HK2: variants seen among roughly 807,000 people sequenced by gnomAD.
HK2 encodes the protein hexokinase-2.
HK2 carries 42 observed loss-of-function variants against 92.9 expected under a neutral mutation model. The observed-to-expected ratio is 0.45, with a 90% confidence interval of 0.35 to 0.58. The LOEUF is 0.58. Among genes scored for constraint, HK2 ranks in the 20% least tolerant of loss-of-function variants. The probability of loss-of-function intolerance (pLI) is 0.00; values close to 1 mark genes in which losing one functional copy is unlikely to be tolerated. For synonymous variants in HK2, 422 were observed against 468.0 expected (o/e 0.90, Z 1.27); for missense variants, 978 against 1,245.1 (o/e 0.79, Z 3.23).
chr2:74,837,431 A>G (rs1688194015), intron 1 of HK2, among the ~76,000 whole-genome samples: 1 of 152,186 alleles, frequency 6.6e-6, no homozygotes, highest in Admixed American at 6.5e-5. Context: ...TGGCTACTCC[A>G]GCTGAGAGTC....
chr2:74,885,784 A>G (rs1689512372), intron 13 of HK2, among the ~76,000 whole-genome samples, 195 bp downstream of exon 13: 1 of 151,868 alleles, frequency 6.6e-6, no homozygotes, highest in African/African-American at 2.4e-5. Flanking sequence ...AGGAGTGACC[A>G]CAACAAAGCT....
rs146967174 is a variant in HK2 at position 74,837,954 on chromosome 2, G to A, written c.63+3311G>A. Among the ~76,000 whole-genome samples, 102 of 152,230 alleles carry A rather than the reference G, an allele frequency of 6.7e-4. No homozygotes were observed. The East Asian group carries it at 0.018, about 27-fold the overall frequency. ...CTCCCGTAGTGTTGGGATTACAGGC[G>A]TGAGCCACCGCACGAGGCCTGCCCT... On this transcript the variant is annotated intron_variant, in intron 1 of 17. Transcript: ENST00000290573.
rs1688099875 is a variant in HK2 at position 74,834,491 on chromosome 2, C to T, written c.-90C>T. The T allele has an allele frequency of 3.0e-6, 4 of 1,346,406 alleles. No homozygotes were observed. The highest frequency in any genetic ancestry group is 2.9e-5 in the African/African-American group (2 of 69,486). The allele number at this position is 1,346,406 out of a possible 1,614,324, so 83.4% of individuals were successfully genotyped here. Reference sequence around the variant, plus strand: ...CAGCTCCCGGCCCGGCAGCCGAGCCCCAGCACAAAGCAGTCGGACCGCGCC... The same window carrying T: ...CAGCTCCCGGCCCGGCAGCCGAGCCTCAGCACAAAGCAGTCGGACCGCGCC... On this transcript the variant is annotated 5_prime_UTR_variant, in exon 1 of 18. Coordinates refer to ENST00000290573, the MANE Select transcript of HK2 (RefSeq NM_000189.5). The surrounding 1 kb of genome is among the most constrained non-coding windows in gnomAD (Gnocchi z 4.2).
chr2:74,877,265 C>T lies in HK2; in HGVS notation c.975C>T (p.Ser325=). 1 of 1,614,114 alleles carries T rather than the reference C, an allele frequency of 6.2e-7. No homozygotes were observed. The highest frequency in any genetic ancestry group is 1.6e-4 in the Middle Eastern group (1 of 6,062). ...KEELLFGGKL[S]PELLNTGRFE... ...AGCTGCTCTTTGGGGGGAAGCTCAGCCCAGAGCTTCTCAACACCGGTCGCT... is the reference window on the plus strand; with the variant it reads ...AGCTGCTCTTTGGGGGGAAGCTCAGTCCAGAGCTTCTCAACACCGGTCGCT... Residue 325 remains serine, a synonymous_variant, in exon 8 of 18, where the codon AGC becomes AGT. Transcript: ENST00000290573.
intron 5 of HK2, 25 bp downstream of exon 5, chr2:74,873,396 G>T (rs747406380): frequency 1.3e-6 from 2 of 1,549,816 alleles, no homozygotes; most frequent in Non-Finnish European, 1.8e-6. Flanking sequence ...AGGAGCTTGG[G>T]GTCTGTGGGC....
At chr2:74,865,045 T>C (rs1573373201) in intron 2 of HK2, among the ~76,000 whole-genome samples, 1 of 151,428 alleles carries the variant, frequency 6.6e-6, no homozygotes, top group African/African-American at 2.5e-5. Flanking sequence ...CACGTAACCA[T>C]GCGTGGGCGT....
In HK2 at chr2:74,873,963, G is replaced by A. The variant is rs553375447; in HGVS notation, c.691+20G>A. The A allele has an allele frequency of 5.7e-6, 9 of 1,577,506 alleles. No individual in the cohort carries two copies. Among genetic ancestry groups the A allele is most frequent in the East Asian group, 4.5e-5 (2 of 44,722 alleles). On this transcript the variant is annotated intron_variant, in intron 6 of 17. Coordinates refer to ENST00000290573, the MANE Select transcript of HK2 (RefSeq NM_000189.5). ...TTGTGGGTGAGTGAACACCGTGCAT[G>A]AAGGGCCCGTGCTGGCCAAGGGATG...
Position 74,889,392 on chromosome 2 carries a change from G to A in HK2, c.2523G>A (p.Val841=). The A allele has an allele frequency of 6.8e-6, 11 of 1,614,196 alleles. No individual in the cohort carries two copies. Among genetic ancestry groups the A allele is most frequent in the Non-Finnish European group, 9.3e-6 (11 of 1,180,038 alleles). ...TCTGTGGCGCAGGCATGGCCGCTGTGGTGGACAGGATACGAGAAAACCGTG... is the reference window on the plus strand; with the variant it reads ...TCTGTGGCGCAGGCATGGCCGCTGTAGTGGACAGGATACGAGAAAACCGTG... ...AQLCGAGMAA[V]VDRIRENRGL... is the part of the protein sequence containing the mutation. The change falls in exon 17 of 18, where the codon GTG becomes GTA. Residue 841 remains valine, a synonymous_variant. Transcript: ENST00000290573.
At chr2:74,851,999 C>A (rs1558790754) in intron 1 of HK2, among the ~76,000 whole-genome samples, 1 of 152,228 alleles carries the variant, frequency 6.6e-6, no homozygotes, top group East Asian at 1.9e-4. Context: ...ACAGACCAGC[C>A]AAACTTCTCT....
chr2:74,840,141 A>T (rs1418629938), intron 1 of HK2, among the ~76,000 whole-genome samples: 1 of 150,498 alleles, frequency 6.6e-6, no homozygotes, highest in Non-Finnish European at 1.5e-5. Flanking sequence ...TATCTTTAGT[A>T]GAGATGGGGT....
intron 3 of HK2, among the ~76,000 whole-genome samples, chr2:74,872,094 T>C (rs1000768996): frequency 2.0e-5 from 3 of 152,234 alleles, no homozygotes; most frequent in Non-Finnish European, 4.4e-5. Context: ...TAAGCCTTTA[T>C]GTATTGACTC....
chr2:74,877,105 G>A (rs1689252061), intron 7 of HK2, 61 bp from the exon 8 acceptor site: 2 of 1,607,310 alleles, frequency 1.2e-6, no homozygotes, highest in African/African-American at 2.7e-5. Flanking sequence ...TGCTTCAACA[G>A]GGAAGCTATG....
In HK2 at chr2:74,878,634, C is replaced by T. The variant is rs1179536208; in HGVS notation, c.1032-54C>T. 4 of 1,418,188 alleles carry T rather than the reference C, an allele frequency of 2.8e-6. No individual in the cohort carries two copies. The African/African-American group carries it at 5.6e-5, about 20-fold the overall frequency. The allele number at this position is 1,418,188 out of a possible 1,614,324, so 87.9% of individuals were successfully genotyped here. A position where few individuals can be genotyped will look rare whatever the true frequency, so the allele number is the denominator to read the frequency against. On this transcript the variant is annotated intron_variant, in intron 8 of 17. Transcript: ENST00000290573. The stretch of plus-strand genomic sequence containing the variant: ...CTTCCTTGCCACCCCCCGACACACA[C>T]ACTGGCCACAGTGGGTCAGACACAG...
Position 74,867,778 on chromosome 2 carries a change from C to T in HK2, c.369C>T (p.Gly123=). ...CTGAGGACATCATGCGAGGCAGTGGCACCCAGGTATGACCCTTCTCTCAGG... is the reference window on the plus strand; with the variant it reads ...CTGAGGACATCATGCGAGGCAGTGGTACCCAGGTATGACCCTTCTCTCAGG... ...AIPEDIMRGS[G]TQLFDHIAEC... The change falls in exon 3 of 18, where the codon GGC becomes GGT. Residue 123 remains glycine (G), a synonymous_variant. Coordinates refer to ENST00000290573, the MANE Select transcript of HK2 (RefSeq NM_000189.5). 6.2e-7 allele frequency: 1 copy of T among 1,614,096 alleles called. No individual in the cohort carries two copies. Among genetic ancestry groups the T allele is most frequent in the Middle Eastern group, 1.6e-4 (1 of 6,062 alleles).
At chr2:74,841,112 A>G (rs1688305526) in intron 1 of HK2, among the ~76,000 whole-genome samples, 1 of 152,142 alleles carries the variant, frequency 6.6e-6, no homozygotes, top group Non-Finnish European at 1.5e-5. Context: ...TATCATAAAG[A>G]GCAAGAATTT....
intron 10 of HK2, among the ~76,000 whole-genome samples, chr2:74,881,137 G>A (rs1689381269): frequency 6.6e-6 from 1 of 152,250 alleles, no homozygotes; most frequent in African/African-American, 2.4e-5. Context: ...TCTTGGCAAA[G>A]TTGAGTGGTG....
Position 74,881,796 on chromosome 2 carries a change from A to G in HK2, c.1656A>G (p.Gly552=), listed in dbSNP as rs749708988. Residue 552 remains glycine (G), a synonymous_variant, in exon 11 of 18, where the codon GGA becomes GGG. Coordinates refer to ENST00000290573, the MANE Select transcript of HK2 (RefSeq NM_000189.5). ...LVRVRNGKWG[G]VEMHNKIYAI... ...GTGTTCGGAATGGGAAGTGGGGTGG[A>G]GTGGAGATGCACAACAAGATCTACG... 4.3e-6 allele frequency: 7 copies of G among 1,613,856 alleles called. No homozygotes were observed. The East Asian group carries it at 1.3e-4, about 31-fold the overall frequency.
chr2:74,847,608 CAGGAGTTTAAGGCTGCAGCCT>C (rs1369598758), intron 1 of HK2, among the ~76,000 whole-genome samples: 1 of 152,086 alleles, frequency 6.6e-6, no homozygotes, highest in Admixed American at 6.5e-5. Context: ...ATCATGAGCC[CAGGAGTTTAAGGCTGCAGCCT>C]AGGAGTTTGA....
chr2:74,853,539 C>T (rs1039364415), intron 1 of HK2, among the ~76,000 whole-genome samples: 2 of 150,722 alleles, frequency 1.3e-5, no homozygotes, highest in African/African-American at 4.9e-5. Flanking sequence ...ACAACAACAA[C>T]AACAACAACA....
Sources: allele counts gnomAD v4.1 joint callset (sites outside exome capture counted in the v4.1 genomes callset), GRCh38; gene constraint gnomAD v4.1.1; non-coding constraint Gnocchi (gnomAD v3.1); transcripts MANE v1.5; gene names NCBI Gene and HGNC (gene_info 2026-07-23, HGNC 2026-07-21).